REPS2: variants seen among roughly 807,000 people sequenced by gnomAD.
REPS2 encodes RALBP1 associated Eps domain containing 2, also known as ralBP1-associated Eps domain-containing protein 2.
REPS2 carries 23 observed loss-of-function variants against 53.6 expected under a neutral mutation model. The observed-to-expected ratio is 0.43, with a 90% CI of 0.31 to 0.61. REPS2 has a LOEUF of 0.61. REPS2 is among the 20% of genes least tolerant of loss of function. The pLI, the probability that REPS2 is intolerant of heterozygous loss-of-function variation, is 0.11. For missense variants in REPS2, 446 were observed against 534.9 expected (o/e 0.83, Z 1.64); for synonymous variants, 238 against 218.6 (o/e 1.09, Z -0.78).
At chrX:17,059,353 A>G (rs1275098827) in intron 8 of REPS2, among the ~76,000 whole-genome samples, 2 of 105,618 alleles carry the variant, frequency 1.9e-5, no homozygotes, top group African/African-American at 3.5e-5. Flanking sequence ...CTTTTTTCTA[A>G]TTGATCTATA....
In REPS2 at chrX:16,972,840, C is replaced by T. The variant is rs113808674; in HGVS notation, c.273+25706C>T. Among the ~76,000 whole-genome samples the T allele has an allele frequency of 4.7e-3, 519 of 111,527 alleles. 2 individuals carry two copies. Among genetic ancestry groups the T allele is most frequent in the African/African-American group, 0.016 (499 of 30,705 alleles). On this transcript the variant is annotated intron_variant, in intron 1 of 17. Coordinates refer to ENST00000357277, the MANE Select transcript of REPS2 (RefSeq NM_004726.3). ...GTAGCATTCCTTTATATTCCTCACC[C>T]TGCTCCCTTAATGTTAACATTTTAT...
intron 5 of REPS2, among the ~76,000 whole-genome samples, chrX:17,034,311 T>G (rs911319157): frequency 1.8e-5 from 2 of 111,623 alleles, no homozygotes; most frequent in Non-Finnish European, 3.8e-5. Context: ...TTATTTATTT[T>G]TTTAGACGGA....
chrX:17,122,482 G>A (rs2063153964), intron 14 of REPS2, among the ~76,000 whole-genome samples: 1 of 112,286 alleles, frequency 8.9e-6, no homozygotes, highest in African/African-American at 3.2e-5. Flanking sequence ...ATTATGAATA[G>A]TGCTGCTGTG....
chrX:17,163,338 C>T, the REPS2 span, among the ~76,000 whole-genome samples: 5 of 111,211 alleles, frequency 4.5e-5, no homozygotes, highest in African/African-American at 1.6e-4. Flanking sequence ...ATGAACAGGG[C>T]CTCAGAGGCC....
intron 5 of REPS2, among the ~76,000 whole-genome samples, chrX:17,037,122 A>C (rs747503065): frequency 9.0e-6 from 1 of 110,592 alleles, no homozygotes; most frequent in African/African-American, 3.3e-5. Flanking sequence ...TCTCCTGCTT[A>C]CTTATTTTCT....
At chrX:17,168,905 C>T in the REPS2 span, among the ~76,000 whole-genome samples, 2 of 112,478 alleles carry the variant, frequency 1.8e-5, no homozygotes, top group South Asian at 7.4e-4. Context: ...CTGGCTTTGA[C>T]ATGCTTTGTC....
intron 3 of REPS2, 148 bp downstream of exon 3, chrX:17,022,419 A>T: frequency 2.1e-6 from 1 of 479,381 alleles, no homozygotes. Flanking sequence ...GTTTTCTCCT[A>T]GCAAGAAAGA....
At chrX:17,083,604 T>TCTATAAATGAATATAGTA (rs1399857287) in intron 13 of REPS2, among the ~76,000 whole-genome samples, 1 of 112,137 alleles carries the variant, frequency 8.9e-6, no homozygotes, top group Admixed American at 9.5e-5. Context: ...GAATATTTGT[T>TCTATAAATGAATATAGTA]TCTGTAACTT....
chrX:17,020,285 C>T (rs1183339767), intron 2 of REPS2, among the ~76,000 whole-genome samples: 1 of 112,225 alleles, frequency 8.9e-6, no homozygotes, highest in Non-Finnish European at 1.9e-5. Context: ...AAATACTGAG[C>T]ATTTATTTCT....
chrX:17,195,491 T>C, the REPS2 span, among the ~76,000 whole-genome samples: 1 of 112,159 alleles, frequency 8.9e-6, no homozygotes, highest in East Asian at 2.8e-4. Flanking sequence ...TTGGCCCTGT[T>C]CAAGTAGCTC....
At chrX:17,156,338 A>G (rs2063614594), downstream of REPS2, among the ~76,000 whole-genome samples, 8 of 110,561 alleles carry the variant, frequency 7.2e-5, no homozygotes, top group Admixed American at 7.8e-4. Flanking sequence ...TTCAAGATTC[A>G]CCTGTGAAAA....
intron 14 of REPS2, among the ~76,000 whole-genome samples, chrX:17,124,284 C>A (rs2063178308): frequency 8.9e-6 from 1 of 112,093 alleles, no homozygotes; most frequent in Admixed American, 9.4e-5. Flanking sequence ...GATTAGAGGA[C>A]CTGTTGTTTG....
chrX:17,089,226 AATT>A (rs2062583195), intron 13 of REPS2, among the ~76,000 whole-genome samples: 1 of 111,302 alleles, frequency 9.0e-6, no homozygotes. Context: ...TCAAAAATGA[AATT>A]ATTATTAAAA....
rs1356584902 is a variant in REPS2, at chrX:17,029,558, C to T, written c.706C>T (p.Pro236Ser). Reference protein sequence around the residue: ...PYEARQPLVQPEGSSSGGPGT... With the variant: ...PYEARQPLVQSEGSSSGGPGT... The stretch of plus-strand genomic sequence containing the variant: ...TGAAGCTAGGCAGCCCCTTGTCCAG[C>T]CCGAGGGATCCTCATCAGGGGGCCC... Residue 236 changes from proline (P) to serine (S), a missense_variant, in exon 5 of 18, where the codon CCC (proline) becomes TCC (serine). Transcript: ENST00000357277. 3.3e-6 allele frequency: 4 copies of T among 1,210,300 alleles called. No homozygotes were observed. Among genetic ancestry groups the T allele is most frequent in the South Asian group, 1.8e-5 (1 of 56,942 alleles).
intron 14 of REPS2, 131 bp from the exon 15 acceptor site, chrX:17,133,693 T>G: frequency 3.6e-6 from 2 of 557,318 alleles, no homozygotes; most frequent in Non-Finnish European, 6.3e-6. Flanking sequence ...ATCAGCAGAC[T>G]TAAGCATTCT....
At chrX:17,054,993 C>G in intron 8 of REPS2, 43 bp downstream of exon 8, 1 of 1,158,426 alleles carries the variant, frequency 8.6e-7, no homozygotes, top group Non-Finnish European at 1.2e-6. Flanking sequence ...TACTTTTCCT[C>G]CAGGCTGTGT....
chrX:16,977,001 A>AAGATTAGCATATTGAT (rs1050660743), intron 1 of REPS2, among the ~76,000 whole-genome samples: 1 of 111,564 alleles, frequency 9.0e-6, no homozygotes, highest in African/African-American at 3.3e-5. Flanking sequence ...CTGCTCTTGA[A>AAGATTAGCATATTGAT]AGATTAGCAT....
At chrX:16,992,737 T>G (rs1245348162) in intron 1 of REPS2, among the ~76,000 whole-genome samples, 1 of 111,872 alleles carries the variant, frequency 8.9e-6, no homozygotes, top group Non-Finnish European at 1.9e-5. Flanking sequence ...AATAAATGTT[T>G]GTGGGGTCTG....
chrX:16,982,676 G>C (rs749062657), intron 1 of REPS2, among the ~76,000 whole-genome samples: 3 of 111,954 alleles, frequency 2.7e-5, no homozygotes, highest in Non-Finnish European at 5.6e-5. Context: ...TTTGGCCACG[G>C]ATTTGCTTTG....
Sources: allele counts gnomAD v4.1 joint callset (sites outside exome capture counted in the v4.1 genomes callset), GRCh38; gene constraint gnomAD v4.1.1; transcripts MANE v1.5; gene names NCBI Gene and HGNC (gene_info 2026-07-23, HGNC 2026-07-21).